UBE2Q1: variants seen among roughly 807,000 people sequenced by gnomAD.
UBE2Q1 encodes the protein ubiquitin-conjugating enzyme E2 Q1.
Under a neutral mutation model 60.1 loss-of-function variants are expected in UBE2Q1, and 6 were observed. The ratio of observed to expected loss-of-function variants is 0.10; its 90% CI spans 0.05 to 0.20. UBE2Q1 has a LOEUF of 0.20. Ranked by LOEUF, UBE2Q1 falls within the 10% of genes least tolerant of loss-of-function variation. The pLI is 1.00. For synonymous variants in UBE2Q1, 226 were observed against 208.3 expected (o/e 1.09, Z -0.73); for missense variants, 262 against 525.8 (o/e 0.50, Z 4.91).
intron 3 of UBE2Q1, chr1:154,555,105 C>A: frequency 1.8e-6 from 1 of 541,336 alleles, no homozygotes; most frequent in Non-Finnish European, 3.3e-6. Flanking sequence ...ATATTGCATT[C>A]TTGGTTCTCA....
intron 4 of UBE2Q1, among the ~76,000 whole-genome samples, chr1:154,554,234 G>A (rs558487700): frequency 3.3e-5 from 5 of 152,298 alleles, no homozygotes; most frequent in African/African-American, 4.8e-5. Context: ...GTCAAGTTCT[G>A]TCTAGCTCTA....
chr1:154,552,837 A>AG lies in UBE2Q1; in HGVS notation c.730-18_730-17insC. ...CACTGCACCCTGTGAGGGACGGATG[A>AG]CAGGAACATTCCTTGGTCGTGTGGT... On this transcript the variant is annotated splice_polypyrimidine_tract_variant and intron_variant, in intron 5 of 12. Transcript: ENST00000292211. 6.2e-7 allele frequency: 1 copy of AG among 1,613,544 alleles called. No homozygotes were observed. Among genetic ancestry groups the AG allele is most frequent in the South Asian group, 1.1e-5 (1 of 90,968 alleles).
At position 154,553,015 on chromosome 1, in the gene UBE2Q1, C is replaced by A; in HGVS notation, c.729+17G>T. 6.2e-7 allele frequency: 1 copy of A among 1,613,646 alleles called. No homozygotes were observed. Among genetic ancestry groups the A allele is most frequent in the Non-Finnish European group, 8.5e-7 (1 of 1,179,878 alleles). ...CCCACCAACCCCTTCACCAGCCTCTCTCTAGAAGGCACGTACATTTAAGTA... is the reference window on the plus strand; with the variant it reads ...CCCACCAACCCCTTCACCAGCCTCTATCTAGAAGGCACGTACATTTAAGTA... On this transcript the variant is annotated intron_variant, in intron 5 of 12. Coordinates refer to ENST00000292211, the MANE Select transcript of UBE2Q1 (RefSeq NM_017582.7).
At chr1:154,552,036 G>A (rs1695797944) in intron 8 of UBE2Q1, 57 bp from the exon 9 acceptor site, 5 of 1,613,938 alleles carry the variant, frequency 3.1e-6, no homozygotes, top group Non-Finnish European at 3.4e-6. Flanking sequence ...CCACAGGACT[G>A]TCAGGCAGAC....
In UBE2Q1 at chr1:154,550,433, C is replaced by T; in HGVS notation, c.*5G>A. The T allele has an allele frequency of 6.2e-7, 1 of 1,614,014 alleles. No homozygotes were observed. The highest frequency in any genetic ancestry group is 8.5e-7 in the Non-Finnish European group (1 of 1,179,986). ...TGGGGAGGGAGGAAGGGTGATACTCCAGGGTTAGCCGTCTTCTTTTGGGGG... is the reference window on the plus strand; with the variant it reads ...TGGGGAGGGAGGAAGGGTGATACTCTAGGGTTAGCCGTCTTCTTTTGGGGG... On this transcript the variant is annotated 3_prime_UTR_variant, in exon 13 of 13. Transcript: ENST00000292211.
At position 154,555,878 on chromosome 1, in the gene UBE2Q1, T is replaced by C. The variant is rs1352036938; in HGVS notation, c.414A>G (p.Ile138Met). Residue 138 changes from isoleucine (I) to methionine (M), a missense_variant, in exon 2 of 13, where the codon ATA becomes ATG. Coordinates refer to ENST00000292211, the MANE Select transcript of UBE2Q1 (RefSeq NM_017582.7). ...CCCTCACCAGAGTATTCCCTTTCTT[T>C]ATGTCCACCAGCCTCTCCAAGACAG... ...LAAVLERLVD[I>M]KKGNTLLLQH... 1.2e-6 allele frequency: 2 copies of C among 1,614,014 alleles called. No individual in the cohort carries two copies. Among genetic ancestry groups the C allele is most frequent in the African/African-American group, 1.3e-5 (1 of 74,896 alleles).
Position 154,550,308 on chromosome 1 carries a change from A to G in UBE2Q1, c.*130T>C. ...TTAGAATAGCCATCATTGTCCTGCA[A>G]TAGGCAGAGCTATCACGTCCAGGAA... On this transcript the variant is annotated 3_prime_UTR_variant, in exon 13 of 13. Transcript: ENST00000292211. 8.2e-7 allele frequency: 1 copy of G among 1,223,220 alleles called. No homozygotes were observed. 75.8% of individuals were successfully genotyped at this position (1,223,220 alleles called of 1,614,324 possible).
In UBE2Q1 at chr1:154,551,069, G is replaced by A. The variant is rs1695783506; in HGVS notation, c.1171-65C>T. The A allele has an allele frequency of 4.4e-6, 7 of 1,587,574 alleles. No individual in the cohort carries two copies. The Admixed American group carries it at 1.2e-4, about 26-fold the overall frequency. ...GTGGCCTTACTGCCCCTCACCTTCT[G>A]CAGGCTGTCACCCAGAGACCCCAGA... On this transcript the variant is annotated intron_variant, in intron 11 of 12. Coordinates refer to ENST00000292211, the MANE Select transcript of UBE2Q1 (RefSeq NM_017582.7).
rs780802766 is a variant in UBE2Q1 at position 154,551,946 on chromosome 1, C to A, written c.1000G>T (p.Val334Phe). 1 of 1,614,174 alleles carries A rather than the reference C, an allele frequency of 6.2e-7. No individual in the cohort carries two copies. The highest frequency in any genetic ancestry group is 8.5e-7 in the Non-Finnish European group (1 of 1,180,026). The stretch of plus-strand genomic sequence containing the variant: ...CCTCCAGAGAGGACTGGAGACACAA[C>A]CCTGACAAATGGTGGGTCAAAGGGA... ...NFPFDPPFVRVVSPVLSGGYV... is the reference protein window; with the variant it reads ...NFPFDPPFVRFVSPVLSGGYV... Residue 334 changes from valine (V) to phenylalanine (F), a missense_variant, in exon 9 of 13, where the codon GTT (valine) becomes TTT (phenylalanine). Around this residue, in one of 5 missense-constraint regions of UBE2Q1, gnomAD observed 22 missense variants for 121.5 expected, o/e 0.18. Transcript: ENST00000292211.
At chr1:154,550,598 G>A in intron 12 of UBE2Q1, 129 bp from the exon 13 acceptor site, 1 of 1,534,172 alleles carries the variant, frequency 6.5e-7, no homozygotes, top group South Asian at 1.3e-5. Context: ...TGTGTGGGGA[G>A]AGGTGTATGG....
chr1:154,552,272 G>A (rs1164313247), intron 7 of UBE2Q1, 89 bp from the exon 8 acceptor site: 22 of 1,592,464 alleles, frequency 1.4e-5, no homozygotes, highest in African/African-American at 2.7e-5. Flanking sequence ...AGCAGACCAC[G>A]AAACCACTGC....
chr1:154,557,774 T>G (rs1396622962), intron 1 of UBE2Q1, among the ~76,000 whole-genome samples: 1 of 152,132 alleles, frequency 6.6e-6, no homozygotes, highest in Non-Finnish European at 1.5e-5. Flanking sequence ...GGTGGCAACC[T>G]CCTAAGTCAG....
chr1:154,556,267 G>GAT (rs1695886528), intron 1 of UBE2Q1, among the ~76,000 whole-genome samples: 2 of 152,122 alleles, frequency 1.3e-5, no homozygotes, highest in Non-Finnish European at 2.9e-5. Context: ...ACAGCGAAGG[G>GAT]GGACTCCTCA....
intron 3 of UBE2Q1, 118 bp from the exon 4 acceptor site, chr1:154,554,903 C>A: frequency 1.0e-6 from 1 of 989,176 alleles, no homozygotes; most frequent in Non-Finnish European, 1.5e-6. Context: ...TGTAATGCTG[C>A]CAGTCTCTCC....
chr1:154,554,447 C>T (rs1695847965), intron 4 of UBE2Q1, among the ~76,000 whole-genome samples: 1 of 152,094 alleles, frequency 6.6e-6, no homozygotes, highest in Admixed American at 6.5e-5. Flanking sequence ...ACATAAAATT[C>T]CTCAATTAGG....
In UBE2Q1 at chr1:154,548,703, G is replaced by GTGGT. The variant is rs998941387; in HGVS notation, c.*1731_*1734dup. On this transcript the variant is annotated 3_prime_UTR_variant, in exon 13 of 13. Transcript: ENST00000292211. ...ACAATCTACATTCCAGCCAGGGCTGGTGGTAAGTTCAGAAGAAAGCCACAG... is the reference window on the plus strand; with the variant it reads ...ACAATCTACATTCCAGCCAGGGCTGGTGGTTGGTAAGTTCAGAAGAAAGCCACAG... 2.0e-5 allele frequency: 3 copies of GTGGT among 152,666 alleles called. No individual in the cohort carries two copies. The highest frequency in any genetic ancestry group is 7.2e-5 in the African/African-American group (3 of 41,454). The allele number at this position is 152,666 out of a possible 1,614,324, so 9.5% of individuals were successfully genotyped here. A position where few individuals can be genotyped will look rare whatever the true frequency, so the allele number is the denominator to read the frequency against.
chr1:154,552,009 A>T (rs752945024), intron 8 of UBE2Q1, 30 bp from the exon 9 acceptor site: 8 of 1,614,028 alleles, frequency 5.0e-6, no homozygotes, highest in Non-Finnish European at 6.8e-6. Flanking sequence ...CAATCAGGGG[A>T]GGGAGGCCAG....
At position 154,558,293 on chromosome 1, in the gene UBE2Q1, G is replaced by C. The variant is rs781477813; in HGVS notation, c.261C>G (p.Pro87=). The change falls in exon 1 of 13, where the codon CCC becomes CCG. Residue 87 remains proline (P), a synonymous_variant. Transcript: ENST00000292211. The stretch of plus-strand genomic sequence containing the variant: ...ACCCCCGTGGGGGGAGATGCGGTCC[G>C]GGCGCGGCCCCCGCCCCGGCCCCTC... The part of the protein sequence containing the change: ...GAGGAGAGAA[P]GPHLPPRGSV... 1 of 1,583,898 alleles carries C rather than the reference G, an allele frequency of 6.3e-7. No homozygotes were observed.
In UBE2Q1 at chr1:154,558,649, G is replaced by C; in HGVS notation, c.-96C>G. 3 of 878,144 alleles carry C rather than the reference G, an allele frequency of 3.4e-6. No homozygotes were observed. The highest frequency in any genetic ancestry group is 4.1e-6 in the Non-Finnish European group (3 of 739,934). 54.4% of individuals were successfully genotyped at this position (878,144 alleles called of 1,614,324 possible). A position where few individuals can be genotyped will look rare whatever the true frequency, so the allele number is the denominator to read the frequency against. ...CCGCCGCCGCCGCCGCCGCCGCCGCGGTCCGCACTTCCTGATCCCCCCTTC... is the reference window on the plus strand; with the variant it reads ...CCGCCGCCGCCGCCGCCGCCGCCGCCGTCCGCACTTCCTGATCCCCCCTTC... On this transcript the variant is annotated 5_prime_UTR_variant, in exon 1 of 13. Transcript: ENST00000292211.
Sources: allele counts gnomAD v4.1 joint callset (sites outside exome capture counted in the v4.1 genomes callset), GRCh38; gene constraint gnomAD v4.1.1; regional missense constraint gnomAD v4.1.1; transcripts MANE v1.5; gene names NCBI Gene and HGNC (gene_info 2026-07-23, HGNC 2026-07-21).